QARS1: variants seen among roughly 807,000 people sequenced by gnomAD.
QARS1 encodes glutamine--tRNA ligase.
In QARS1, 79 loss-of-function variants were observed where a neutral mutation model predicts 106.9. That is an observed-to-expected ratio of 0.74 (90% confidence interval 0.62 to 0.89). The LOEUF (loss-of-function observed/expected upper bound fraction) is 0.89. QARS1 is among the 40% of genes least tolerant of loss of function. The pLI, the probability that QARS1 is intolerant of heterozygous loss-of-function variation, is 0.00. For missense variants in QARS1, 966 were observed against 997.2 expected, an observed-to-expected ratio of 0.97 and a Z score of 0.42; for synonymous variants, 395 against 367.7, an observed-to-expected ratio of 1.07 and a Z score of -0.85.
chr3:49,098,482 TGGAAGTGGGG>T lies in QARS1; in HGVS notation c.1957-12_1957-3del, dbSNP rs2042421733. ...ACTCTCTACACAACCACTGGGGCCC[TGGAAGTGGGG>T]GGAGGGGAGCAGCAATTAGACCCGG... On this transcript the variant is annotated splice_region_variant and splice_polypyrimidine_tract_variant and intron_variant, in intron 20 of 23. Transcript: ENST00000306125. 6.2e-7 allele frequency: 1 copy of T among 1,613,810 alleles called. No homozygotes were observed. Among genetic ancestry groups the T allele is most frequent in the Admixed American group, 1.7e-5 (1 of 59,976 alleles).
At chr3:49,103,113 A>T (rs535691333) in intron 5 of QARS1, among the ~76,000 whole-genome samples, 2 of 152,114 alleles carry the variant, frequency 1.3e-5, no homozygotes, top group Non-Finnish European at 2.9e-5. Flanking sequence ...ATACACCACC[A>T]TGTCTGGCTA....
chr3:49,103,713 A>C lies in QARS1; in HGVS notation c.376-7T>G. 6.2e-7 allele frequency: 1 copy of C among 1,613,434 alleles called. No individual in the cohort carries two copies. Among genetic ancestry groups the C allele is most frequent in the Non-Finnish European group, 8.5e-7 (1 of 1,179,716 alleles). On this transcript the variant is annotated splice_region_variant and splice_polypyrimidine_tract_variant and intron_variant, in intron 3 of 23. Coordinates refer to ENST00000306125, the MANE Select transcript of QARS1 (RefSeq NM_005051.3). ...TGTTAATAGCAGCCTCCACCTGCAG[A>C]AAGCCAAACCATGTGGTTCAGGAAA... is the stretch of plus-strand genomic sequence containing the variant.
In QARS1 at chr3:49,102,456, C is replaced by T; in HGVS notation, c.533G>A (p.Gly178Asp). Reference protein sequence around the residue: ...EVDMQVLHLLGPKLEADLEKK... With the variant: ...EVDMQVLHLLDPKLEADLEKK... Reference sequence around the variant, plus strand: ...CTCCAGATCAGCCTCCAACTTGGGGCCCAGAAGGTGGAGGACCTGAGCAGA... The same window carrying T: ...CTCCAGATCAGCCTCCAACTTGGGGTCCAGAAGGTGGAGGACCTGAGCAGA... Residue 178 changes from glycine to aspartate, a missense_variant, in exon 6 of 24, where the codon GGC becomes GAC. Physicochemically the swap from Gly to Asp is moderately conservative, Grantham distance 94. Coordinates refer to ENST00000306125, the MANE Select transcript of QARS1 (RefSeq NM_005051.3). The T allele has an allele frequency of 6.2e-7, 1 of 1,614,092 alleles. No individual in the cohort carries two copies. Among genetic ancestry groups the T allele is most frequent in the Non-Finnish European group, 8.5e-7 (1 of 1,180,024 alleles).
intron 23 of QARS1, among the ~76,000 whole-genome samples, chr3:49,096,798 C>CAAAAAAAAAAA: frequency 0.013 from 186 of 14,154 alleles, 49 homozygotes; most frequent in East Asian, 0.021. Flanking sequence ...GACTCCGTCT[C>CAAAAAAAAAAA]AAAAAAAAAA....
chr3:49,100,131 A>G (rs1158376727), intron 13 of QARS1, 40 bp from the exon 14 acceptor site: 14 of 1,614,090 alleles, frequency 8.7e-6, no homozygotes, highest in African/African-American at 1.3e-5. Flanking sequence ...TAAGCACAGG[A>G]GCATCTCATT....
In QARS1 at chr3:49,098,489, G is replaced by A. The variant is rs367776807; in HGVS notation, c.1957-9C>T. 1.6e-4 allele frequency: 256 copies of A among 1,613,994 alleles called. 1 individual carries two copies. In the Middle Eastern group the frequency reaches 2.6e-3, roughly 17 times the overall value. On this transcript the variant is annotated splice_polypyrimidine_tract_variant and intron_variant, in intron 20 of 23. Coordinates refer to ENST00000306125, the MANE Select transcript of QARS1 (RefSeq NM_005051.3). ...ACACAACCACTGGGGCCCTGGAAGT[G>A]GGGGGAGGGGAGCAGCAATTAGACC...
Position 49,101,380 on chromosome 3 carries a change from A to ATAT in QARS1, c.850_851insATA (p.Ala283_Ile284insAsn). 1.2e-6 allele frequency: 2 copies of ATAT among 1,613,918 alleles called. No individual in the cohort carries two copies. The highest frequency in any genetic ancestry group is 3.3e-5 in the Admixed American group (2 of 59,994). On this transcript the variant is annotated inframe_insertion, in exon 10 of 24. Transcript: ENST00000306125. ...CTTGGCATAGCCAAAGTTGAAATTG[A>ATAT]TGGCTTTGGCATGTCCAATATGCAG...
At chr3:49,096,222 T>G in intron 23 of QARS1, 143 bp from the exon 24 acceptor site, 1 of 768,956 alleles carries the variant, frequency 1.3e-6, no homozygotes, top group Non-Finnish European at 2.1e-6. Context: ...GCCCGGGTCC[T>G]CAATAACTTT....
chr3:49,099,716 T>A (rs2042441529), intron 15 of QARS1, 45 bp downstream of exon 15: 1 of 1,613,464 alleles, frequency 6.2e-7, no homozygotes, highest in African/African-American at 1.3e-5. Context: ...GAAGGGCTGC[T>A]GGAATTCCAC....
intron 9 of QARS1, 78 bp from the exon 10 acceptor site, chr3:49,101,519 G>T: frequency 6.4e-7 from 1 of 1,569,822 alleles, no homozygotes; most frequent in Non-Finnish European, 8.8e-7. Flanking sequence ...TCCCTCCCAG[G>T]AAGGCCATGG....
chr3:49,102,598 G>T, intron 5 of QARS1, 126 bp from the exon 6 acceptor site: 1 of 963,904 alleles, frequency 1.0e-6, no homozygotes, highest in Non-Finnish European at 1.6e-6. Flanking sequence ...AACCTACCTA[G>T]CCCATCCCAT....
In QARS1 at chr3:49,099,448, G is replaced by T. The variant is rs2042437095; in HGVS notation, c.1527-17C>A. The T allele has an allele frequency of 6.2e-7, 1 of 1,614,038 alleles. No individual in the cohort carries two copies. Among genetic ancestry groups the T allele is most frequent in the African/African-American group, 1.3e-5 (1 of 74,910 alleles). On this transcript the variant is annotated splice_polypyrimidine_tract_variant and intron_variant, in intron 16 of 23. Coordinates refer to ENST00000306125, the MANE Select transcript of QARS1 (RefSeq NM_005051.3). ...TCCCAGTCCCTGTGGATAAGAAGGT[G>T]GTGAGAAGGCCTTTGGGAGCATATG...
In QARS1 at chr3:49,100,646, A is replaced by C; in HGVS notation, c.905T>G (p.Phe302Cys). 1 of 1,607,518 alleles carries C rather than the reference A, an allele frequency of 6.2e-7. No individual in the cohort carries two copies. Among genetic ancestry groups the C allele is most frequent in the East Asian group, 2.2e-5 (1 of 44,856 alleles). The change falls in exon 11 of 24, where the codon TTT becomes TGT. Residue 302 changes from phenylalanine (F) to cysteine (C), a missense_variant. By Grantham distance (205) the Phe-to-Cys change is radical (BLOSUM62 -2). Transcript: ENST00000306125. ...CTCCTTCTCAGGGTTGGTGTCATCA[A>C]AACGCAGAAAACAGATGCCATTGTT... is the stretch of plus-strand genomic sequence containing the variant. Reference protein sequence around the residue: ...KANNGICFLRFDDTNPEKEEA... With the variant: ...KANNGICFLRCDDTNPEKEEA...
Position 49,098,127 on chromosome 3 carries a change from G to A in QARS1, c.2152-10C>T, listed in dbSNP as rs749104266. 4 of 1,614,204 alleles carry A rather than the reference G, an allele frequency of 2.5e-6. No individual in the cohort carries two copies. Among genetic ancestry groups the A allele is most frequent in the Non-Finnish European group, 3.4e-6 (4 of 1,180,046 alleles). ...CCACGTGTAGTGATGCCTGCAGGCA[G>A]GGAACTCAGGCAACCATCCAACCAG... On this transcript the variant is annotated splice_polypyrimidine_tract_variant and intron_variant, in intron 22 of 23. Transcript: ENST00000306125.
At chr3:49,102,090 G>A in intron 7 of QARS1, 115 bp downstream of exon 7, 1 of 1,419,846 alleles carries the variant, frequency 7.0e-7, no homozygotes, top group Non-Finnish European at 9.8e-7. Context: ...CCAGTCTTGA[G>A]ACAGAAGTCA....
At chr3:49,100,909 C>G (rs1432886052) in intron 10 of QARS1, among the ~76,000 whole-genome samples, 1 of 152,122 alleles carries the variant, frequency 6.6e-6, no homozygotes, top group East Asian at 1.9e-4. Context: ...GGCCAGCTAA[C>G]TTTTGTATTT....
At chr3:49,096,273 G>A (rs181372309) in intron 23 of QARS1, among the ~76,000 whole-genome samples, 194 bp from the exon 24 acceptor site, 1 of 152,346 alleles carries the variant, frequency 6.6e-6, no homozygotes, top group Admixed American at 6.5e-5. Context: ...CTAGGCTATA[G>A]TATTATATGG....
In QARS1 at chr3:49,100,237, A is replaced by C; in HGVS notation, c.1117T>G (p.Ser373Ala). The C allele has an allele frequency of 6.2e-7, 1 of 1,614,240 alleles. No homozygotes were observed. ...TCCATGGGACGGTCTCTCCAGGGTG[A>C]AGGCAGAGTATTATGGCCTTTGAGC... ...EELKGHNTLP[S>A]PWRDRPMEES... The change falls in exon 13 of 24, where the codon TCA becomes GCA. Residue 373 changes from serine to alanine, a missense_variant. Transcript: ENST00000306125.
Position 49,099,137 on chromosome 3 carries a change from G to A in QARS1, c.1731C>T (p.Val577=). Residue 577 remains valine (V), a synonymous_variant, in exon 18 of 24, where the codon GTC becomes GTT. Coordinates refer to ENST00000306125, the MANE Select transcript of QARS1 (RefSeq NM_005051.3). ...TGGCAGCAGGAAAGTTGGTGATGAT[G>A]ACCCGTAGTGACTCCAGCACAGCCA... is the stretch of plus-strand genomic sequence containing the variant. ...RAMAVLESLR[V]IITNFPAAKS... The A allele has an allele frequency of 5.6e-6, 9 of 1,614,154 alleles. No homozygotes were observed. Among genetic ancestry groups the A allele is most frequent in the Non-Finnish European group, 7.6e-6 (9 of 1,180,036 alleles).
Sources: allele counts gnomAD v4.1 joint callset (sites outside exome capture counted in the v4.1 genomes callset), GRCh38; gene constraint gnomAD v4.1.1; transcripts MANE v1.5; gene names NCBI Gene and HGNC (gene_info 2026-07-23, HGNC 2026-07-21).